The following KLHL8 variants were observed in gnomAD, a reference collection of about 807,000 sequenced individuals.
The protein encoded by KLHL8 is kelch like family member 8.
In KLHL8, 38 loss-of-function variants were observed where a neutral mutation model predicts 63.5. The observed-to-expected ratio is 0.60, with a 90% CI of 0.46 to 0.78. The LOEUF (loss-of-function observed/expected upper bound fraction) is 0.78, where lower values mean the gene tolerates loss of function less well. KLHL8 is among the 30% of genes least tolerant of loss of function. The pLI, the probability that KLHL8 is intolerant of heterozygous loss-of-function variation, is 0.00. For synonymous variants in KLHL8, 224 were observed against 254.3 expected, an observed-to-expected ratio of 0.88 and a Z score of 1.13; for missense variants, 566 against 752.4, an observed-to-expected ratio of 0.75 and a Z score of 2.90.
At chr4:87,195,189 A>G (rs1342077432) in intron 2 of KLHL8, 135 bp downstream of exon 2, 1 of 638,712 alleles carries the variant, frequency 1.6e-6, no homozygotes, top group African/African-American at 1.8e-5. Flanking sequence ...ACTAAAAAAA[A>G]AGATTGAGAC....
At chr4:87,229,629 G>A (rs753721103) in intron 1 of KLHL8, among the ~76,000 whole-genome samples, 1 of 150,840 alleles carries the variant, frequency 6.6e-6, no homozygotes, top group Non-Finnish European at 1.5e-5. Flanking sequence ...GATGGGTTTC[G>A]CCATGTTGGC....
At chr4:87,225,716 G>T (rs1732960942) in intron 1 of KLHL8, among the ~76,000 whole-genome samples, 1 of 152,170 alleles carries the variant, frequency 6.6e-6, no homozygotes, top group African/African-American at 2.4e-5. Context: ...TAGGTAGTTT[G>T]GGGGTGGGTC....
chr4:87,226,543 C>T (rs1732978358), intron 1 of KLHL8, among the ~76,000 whole-genome samples: 1 of 135,606 alleles, frequency 7.4e-6, no homozygotes, highest in Non-Finnish European at 1.5e-5. Context: ...GCCTGGGCAA[C>T]AGAGCAAGAC....
In KLHL8 at chr4:87,236,210, C is replaced by CT. The variant is rs35028616; in HGVS notation, n.57+4047dup. Among the ~76,000 whole-genome samples the CT allele has an allele frequency of 4.9e-3, 668 of 135,816 alleles. 3 individuals carry two copies. The highest frequency in any genetic ancestry group is 8.5e-3 in the South Asian group (37 of 4,360). 89.1% of individuals were successfully genotyped at this position (135,816 alleles called of 152,430 possible). ...TGAATTTGATTTCTTTTTCCTTTTCCTTTTTTTTTTTTTTTTGAGACGGAG... is the reference window on the plus strand; with the variant it reads ...TGAATTTGATTTCTTTTTCCTTTTCCTTTTTTTTTTTTTTTTTGAGACGGAG... On this transcript the variant is annotated intron_variant and non_coding_transcript_variant, in intron 1 of 1. Coordinates refer to the KLHL8 transcript ENST00000506274.
At chr4:87,226,621 A>T (rs545700683) in intron 1 of KLHL8, among the ~76,000 whole-genome samples, 24 of 49,438 alleles carry the variant, frequency 4.9e-4, no homozygotes, top group Middle Eastern at 0.011. Flanking sequence ...TTATATAAAT[A>T]ATATATATTA....
In KLHL8 at chr4:87,183,242, C is replaced by T; in HGVS notation, c.913G>A (p.Glu305Lys). The T allele has an allele frequency of 6.2e-7, 1 of 1,611,904 alleles. No individual in the cohort carries two copies. The highest frequency in any genetic ancestry group is 8.5e-7 in the Non-Finnish European group (1 of 1,178,704). The change falls in exon 4 of 10, where the codon GAA (glutamate) becomes AAA (lysine). Residue 305 changes from glutamate to lysine, a missense_variant. Transcript: ENST00000273963. ...CTTGGGGTAGTCCGAATGGAGTATTCAAAGTCAGGTACTGCTCTGCTACTC... is the reference window on the plus strand; with the variant it reads ...CTTGGGGTAGTCCGAATGGAGTATTTAAAGTCAGGTACTGCTCTGCTACTC... Reference protein sequence around the residue: ...HLSSRAVPDFEYSIRTTPRKH... With the variant: ...HLSSRAVPDFKYSIRTTPRKH...
At position 87,165,129 on chromosome 4, in the gene KLHL8, G is replaced by A. The variant is rs577339365; in HGVS notation, c.1538-1050C>T. 3.6e-4 allele frequency among the ~76,000 whole-genome samples: 42 copies of A among 116,122 alleles called. 1 individual carries two copies. In the South Asian group the frequency reaches 5.8e-3, roughly 16 times the overall value. The allele number at this position is 116,122 out of a possible 152,430, so 76.2% of individuals were successfully genotyped here. On this transcript the variant is annotated intron_variant, in intron 8 of 9. Transcript: ENST00000273963. ...TGTGCCACTGCACTCCAGCCTGGGC[G>A]ACAGAGCAAGACTCTGTCTCAAAAA...
chr4:87,221,938 T>C (rs561865433), upstream of KLHL8, among the ~76,000 whole-genome samples: 27 of 152,274 alleles, frequency 1.8e-4, no homozygotes, highest in Middle Eastern at 3.4e-3. Context: ...GAACGTGATG[T>C]AAAAATTGTT....
At chr4:87,180,897 A>T (rs1731024892) in intron 4 of KLHL8, among the ~76,000 whole-genome samples, 1 of 151,986 alleles carries the variant, frequency 6.6e-6, no homozygotes, top group African/African-American at 2.4e-5. Flanking sequence ...AAAAAAATAT[A>T]TCTGGGTATG....
At chr4:87,168,485 T>C (rs1414408106) in intron 8 of KLHL8, among the ~76,000 whole-genome samples, 4 of 151,560 alleles carry the variant, frequency 2.6e-5, no homozygotes, top group African/African-American at 7.3e-5. Context: ...CAAGAAAGAA[T>C]AGAAAAGAGA....
intron 1 of KLHL8, among the ~76,000 whole-genome samples, chr4:87,198,838 C>T (rs1399148582): frequency 6.6e-6 from 1 of 152,196 alleles, no homozygotes; most frequent in East Asian, 1.9e-4. Flanking sequence ...CCCATGTTCA[C>T]TGTGGCATTA....
At chr4:87,184,966 C>T (rs774027506) in intron 3 of KLHL8, among the ~76,000 whole-genome samples, 2 of 152,032 alleles carry the variant, frequency 1.3e-5, no homozygotes, top group Non-Finnish European at 2.9e-5. Flanking sequence ...TTTCTATTGG[C>T]ATAAATAAAA....
intron 1 of KLHL8, chr4:87,220,128 GC>G (rs1489711322): frequency 1.3e-5 from 2 of 152,432 alleles, no homozygotes; most frequent in Admixed American, 1.3e-4. Flanking sequence ...CCCTACGGGA[GC>G]CGGGAGCATA....
At chr4:87,206,404 T>C (rs1038760882) in intron 1 of KLHL8, among the ~76,000 whole-genome samples, 2 of 152,228 alleles carry the variant, frequency 1.3e-5, no homozygotes, top group Non-Finnish European at 2.9e-5. Flanking sequence ...GGCTCTAGTC[T>C]ACCTTCCAGT....
chr4:87,232,286 T>C (rs188546677), intron 1 of KLHL8, among the ~76,000 whole-genome samples: 1 of 152,374 alleles, frequency 6.6e-6, no homozygotes, highest in East Asian at 1.9e-4. Flanking sequence ...AATCATACTG[T>C]ATGTATCTTT....
At chr4:87,221,747 T>C (rs1732860554), upstream of KLHL8, among the ~76,000 whole-genome samples, 1 of 152,152 alleles carries the variant, frequency 6.6e-6, no homozygotes, top group South Asian at 2.1e-4. Context: ...GAATTTGAAA[T>C]TTTATTTCTA....
intron 1 of KLHL8, among the ~76,000 whole-genome samples, chr4:87,214,413 C>CAGAT (rs1560716359): frequency 2.6e-4 from 12 of 45,336 alleles, no homozygotes; most frequent in African/African-American, 7.4e-4. Flanking sequence ...TGGCACATAA[C>CAGAT]AGATATATAT....
In KLHL8 at chr4:87,161,164, C is replaced by G. The variant is rs1375950154; in HGVS notation, c.*2355G>C. 6.6e-6 allele frequency: 1 copy of G among 152,078 alleles called. No homozygotes were observed. Among genetic ancestry groups the G allele is most frequent in the Non-Finnish European group, 1.5e-5 (1 of 68,132 alleles). The allele number at this position is 152,078 out of a possible 1,614,324, so 9.4% of individuals were successfully genotyped here. A position where few individuals can be genotyped will look rare whatever the true frequency, so the allele number is the denominator to read the frequency against. ...GTTCAAGCAATTCTCCTGCCTCAGC[C>G]TCCTGAGTAGCTGGAATTACAGGTA... On this transcript the variant is annotated 3_prime_UTR_variant, in exon 10 of 10. Transcript: ENST00000273963.
chr4:87,197,631 C>G (rs983454127), intron 1 of KLHL8, among the ~76,000 whole-genome samples: 4 of 152,164 alleles, frequency 2.6e-5, no homozygotes, highest in Admixed American at 1.3e-4. Flanking sequence ...TTTTAAGCCA[C>G]TAAATTGTGG....
Sources: allele counts gnomAD v4.1 joint callset (sites outside exome capture counted in the v4.1 genomes callset), GRCh38; gene constraint gnomAD v4.1.1; transcripts MANE v1.5; gene names NCBI Gene and HGNC (gene_info 2026-07-23, HGNC 2026-07-21).